BOC: variants seen among roughly 807,000 people sequenced by gnomAD.
The protein encoded by BOC is brother of CDO.
BOC carries 76 observed loss-of-function variants against 112.0 expected under a neutral mutation model. That is an observed-to-expected ratio of 0.68 (90% CI 0.56 to 0.82). The LOEUF (loss-of-function observed/expected upper bound fraction) is 0.82. Ranked by LOEUF, BOC falls within the 40% of genes least tolerant of loss-of-function variation. The pLI is 0.00. For synonymous variants in BOC, 580 were observed against 599.8 expected (o/e 0.97, Z 0.48); for missense variants, 1,309 against 1,511.7 (o/e 0.87, Z 2.22).
intron 15 of BOC, 57 bp downstream of exon 15, chr3:113,281,210 G>A: frequency 2.5e-6 from 4 of 1,599,698 alleles, no homozygotes; most frequent in Non-Finnish European, 3.4e-6. Context: ...GGAAGGCAGA[G>A]TCACCATTCC....
intron 2 of BOC, among the ~76,000 whole-genome samples, chr3:113,232,433 ATG>A (rs1170193759): frequency 6.6e-6 from 1 of 152,164 alleles, no homozygotes; most frequent in African/African-American, 2.4e-5. Context: ...TGGGGACTGA[ATG>A]TGTATATTTG....
intron 5 of BOC, chr3:113,270,212 A>C (rs968008088): frequency 1.3e-5 from 2 of 152,108 alleles, no homozygotes; most frequent in Admixed American, 6.6e-5. Flanking sequence ...TGGTGGGAAG[A>C]TTTGCTCATC....
chr3:113,275,773 G>A (rs143793359), intron 9 of BOC, among the ~76,000 whole-genome samples: 7 of 152,268 alleles, frequency 4.6e-5, no homozygotes, highest in South Asian at 2.1e-4. Flanking sequence ...CTAGCTGTGC[G>A]GAAGCTGTTT....
intron 9 of BOC, among the ~76,000 whole-genome samples, chr3:113,276,360 CTGGGCCCAGTGGAAGTG>C (rs1559877728): frequency 6.6e-6 from 1 of 152,156 alleles, no homozygotes; most frequent in African/African-American, 2.4e-5. Flanking sequence ...ATTTTCATTT[CTGGGCCCAGTGGAAGTG>C]TGAGGCCAGT....
Position 113,250,743 on chromosome 3 carries a change from C to G in BOC, c.286C>G (p.Leu96Val). Residue 96 changes from leucine (L) to valine (V), a missense_variant, in exon 4 of 20, where the codon CTT becomes GTT. By Grantham distance (32) the Leu-to-Val change is conservative (BLOSUM62 1). Transcript: ENST00000682979. ...CCACGGGACCCTCGTCATCACTGCC[C>G]TTAACAACCACACTGTGGGACGGTA... ...ITHGTLVITA[L>V]NNHTVGRYQC... 1 of 1,614,176 alleles carries G rather than the reference C, an allele frequency of 6.2e-7. No homozygotes were observed. The highest frequency in any genetic ancestry group is 8.5e-7 in the Non-Finnish European group (1 of 1,180,030).
At position 113,283,573 on chromosome 3, in the gene BOC, T is replaced by G. The variant is rs751258490; in HGVS notation, c.2597T>G (p.Ile866Ser). 2.5e-6 allele frequency: 4 copies of G among 1,613,750 alleles called. No individual in the cohort carries two copies. Among genetic ancestry groups the G allele is most frequent in the Non-Finnish European group, 3.4e-6 (4 of 1,179,942 alleles). The change falls in exon 16 of 20, where the codon ATC becomes AGC. Residue 866 changes from isoleucine (I) to serine (S), a missense_variant. Ile to Ser is a moderately radical substitution (Grantham distance 142). Transcript: ENST00000682979. The stretch of plus-strand genomic sequence containing the variant: ...ATTGTCGGGGTCGTCCTGGGCTCCA[T>G]CGTTCTCATCATCGTCACCTTCATC... ...YLIVGVVLGS[I>S]VLIIVTFIPF...
At chr3:113,271,599 C>T in intron 6 of BOC, 1 of 191,148 alleles carries the variant, frequency 5.2e-6, no homozygotes. Context: ...CTGACAGAAG[C>T]CTCACAAGGC....
intron 7 of BOC, 82 bp downstream of exon 7, chr3:113,272,785 C>T: frequency 6.7e-7 from 1 of 1,499,756 alleles, no homozygotes; most frequent in South Asian, 1.3e-5. Flanking sequence ...CCCAGGCTCA[C>T]AAAGGGTTAG....
At chr3:113,221,779 T>C (rs181204682) in intron 2 of BOC, among the ~76,000 whole-genome samples, 243 of 152,356 alleles carry the variant, frequency 1.6e-3, no homozygotes, top group African/African-American at 5.7e-3. Flanking sequence ...TGCTCAGAAC[T>C]TCCATGGCTT....
In BOC at chr3:113,285,475, G is replaced by T. The variant is rs574258444; in HGVS notation, c.3070G>T (p.Glu1024Ter). Residue 1024 changes from glutamate (E) to a stop codon, truncating the protein, a stop_gained, in exon 19 of 20, where the codon GAG becomes TAG. Coordinates refer to ENST00000682979, the MANE Select transcript of BOC (RefSeq NM_001378074.1). LOFTEE classifies it high-confidence loss of function. ...CCATCACGACTGCTGCCAACGCCAG[G>T]AGCAGCCTGCTGCTGTGGGCCAGTC... ...QPHHDCCQRQ[E>*]QPAAVGQSGV... is the part of the protein sequence containing the mutation. 6.2e-7 allele frequency: 1 copy of T among 1,614,126 alleles called. No individual in the cohort carries two copies. Among genetic ancestry groups the T allele is most frequent in the South Asian group, 1.1e-5 (1 of 91,076 alleles).
chr3:113,252,307 C>G (rs1290011368), intron 4 of BOC, among the ~76,000 whole-genome samples: 1 of 152,210 alleles, frequency 6.6e-6, no homozygotes, highest in African/African-American at 2.4e-5. Flanking sequence ...CCTCATGACT[C>G]AGCAGCACCC....
chr3:113,284,464 G>A lies in BOC; in HGVS notation c.2786G>A (p.Arg929Gln), dbSNP rs781666414. The A allele has an allele frequency of 1.9e-6, 3 of 1,614,228 alleles. No individual in the cohort carries two copies. The highest frequency in any genetic ancestry group is 2.5e-6 in the Non-Finnish European group (3 of 1,180,044). ...CCCTACCTCAGTGGCATCAGTGGAC[G>A]GGCCTGTGCTAATGGGATCCACATG... ...GQPYLSGISG[R>Q]ACANGIHMNR... Residue 929 changes from arginine (R) to glutamine (Q), a missense_variant, in exon 17 of 20, where the codon CGG becomes CAG. Transcript: ENST00000682979.
At chr3:113,236,296 A>ATATATATATATACCCATGGG (rs1943532376) in intron 2 of BOC, among the ~76,000 whole-genome samples, 1 of 115,844 alleles carries the variant, frequency 8.6e-6, no homozygotes. Flanking sequence ...ATATATATAT[A>ATATATATATATACCCATGGG]TATATATATA....
intron 2 of BOC, among the ~76,000 whole-genome samples, chr3:113,238,194 G>A (rs1334187015): frequency 9.2e-5 from 14 of 152,250 alleles, no homozygotes; most frequent in South Asian, 4.2e-4. Context: ...AGGTGGTTCC[G>A]GTAGAAGGAA....
At chr3:113,233,691 C>A (rs6797947) in intron 2 of BOC, among the ~76,000 whole-genome samples, 3 of 152,092 alleles carry the variant, frequency 2.0e-5, no homozygotes, top group Non-Finnish European at 4.4e-5. Context: ...GGGACCTCAC[C>A]GCTGCCTAGT....
intron 19 of BOC, 129 bp downstream of exon 19, chr3:113,285,694 G>A: frequency 3.2e-6 from 3 of 950,450 alleles, no homozygotes; most frequent in East Asian, 5.7e-5. Flanking sequence ...ATTTATGTGG[G>A]AGGGATGGGG....
intron 2 of BOC, among the ~76,000 whole-genome samples, chr3:113,224,390 T>C (rs1381964923): frequency 6.6e-6 from 1 of 152,064 alleles, no homozygotes; most frequent in Admixed American, 6.6e-5. Context: ...TTCCCTGGAG[T>C]TTGGTGACAG....
At chr3:113,219,191 A>G (rs1940078829) in intron 2 of BOC, among the ~76,000 whole-genome samples, 1 of 152,252 alleles carries the variant, frequency 6.6e-6, no homozygotes, top group African/African-American at 2.4e-5. Context: ...CTCACTTGGC[A>G]TGGGAGACGC....
chr3:113,239,975 T>C (rs1160845199), intron 2 of BOC, among the ~76,000 whole-genome samples: 2 of 152,230 alleles, frequency 1.3e-5, no homozygotes, highest in African/African-American at 4.8e-5. Context: ...CCACCGACTC[T>C]GGCTTTTCTA....
Sources: allele counts gnomAD v4.1 joint callset (sites outside exome capture counted in the v4.1 genomes callset), GRCh38; gene constraint gnomAD v4.1.1; transcripts MANE v1.5; gene names NCBI Gene and HGNC (gene_info 2026-07-23, HGNC 2026-07-21).